Variants in POLI observed in about 807,000 individuals in gnomAD.
POLI encodes DNA polymerase iota, also known as RAD30 homolog B.
In POLI, 58 loss-of-function variants were observed where a neutral mutation model predicts 51.6. That is an observed-to-expected ratio of 1.12 (90% CI 0.91 to 1.40). The LOEUF (loss-of-function observed/expected upper bound fraction) is 1.40. Ranked by LOEUF, POLI falls within the 40% of genes most tolerant of loss-of-function variation. The pLI is 0.00. For synonymous variants in POLI, 322 were observed against 299.7 expected, an observed-to-expected ratio of 1.07 and a Z score of -0.77; for missense variants, 921 against 871.3, an observed-to-expected ratio of 1.06 and a Z score of -0.72.
chr18:54,299,223 T>A (rs1037656208), downstream of POLI, among the ~76,000 whole-genome samples: 2 of 152,196 alleles, frequency 1.3e-5, no homozygotes, highest in Admixed American at 6.5e-5. Flanking sequence ...TTGCCTAAGC[T>A]CAGGAGTTCG....
In POLI at chr18:54,292,001, CATT is replaced by C; in HGVS notation, c.1370_1372del (p.Leu457del). ...CTTATTGATTATTATTTAATGCCAT[CATT>C]ATCAACTACTTCACGCTCTGGCAAG... On this transcript the variant is annotated inframe_deletion, in exon 9 of 10. Transcript: ENST00000579534. 1 of 1,609,570 alleles carries C rather than the reference CATT, an allele frequency of 6.2e-7. No individual in the cohort carries two copies. The highest frequency in any genetic ancestry group is 8.5e-7 in the Non-Finnish European group (1 of 1,177,380).
At chr18:54,307,930 A>G (rs866680334) in intron 3 of POLI, among the ~76,000 whole-genome samples, 3 of 144,414 alleles carry the variant, frequency 2.1e-5, no homozygotes, top group African/African-American at 7.9e-5. Flanking sequence ...CTTACCATTT[A>G]CTTGGTAGAT....
intron 2 of POLI, among the ~76,000 whole-genome samples, chr18:54,273,027 T>C (rs1175992410): frequency 6.6e-6 from 1 of 152,156 alleles, no homozygotes; most frequent in Admixed American, 6.5e-5. Context: ...AACCTTTTTT[T>C]TCTACATGTT....
At chr18:54,288,562 T>C (rs2087853033) in intron 8 of POLI, among the ~76,000 whole-genome samples, 1 of 152,162 alleles carries the variant, frequency 6.6e-6, no homozygotes, top group South Asian at 2.1e-4. Flanking sequence ...TCTTGTTTCA[T>C]TGGTCTATAT....
At chr18:54,272,752 G>A (rs2087063045) in intron 2 of POLI, among the ~76,000 whole-genome samples, 1 of 151,564 alleles carries the variant, frequency 6.6e-6, no homozygotes, top group Non-Finnish European at 1.5e-5. Flanking sequence ...GACTACAGAC[G>A]TGAGCCACCG....
chr18:54,271,930 A>G (rs1341226733), intron 2 of POLI, among the ~76,000 whole-genome samples: 3 of 152,334 alleles, frequency 2.0e-5, no homozygotes, highest in South Asian at 2.1e-4. Flanking sequence ...AAACCTAAGT[A>G]TTATTAAGAC....
intron 3 of POLI, among the ~76,000 whole-genome samples, chr18:54,275,361 C>T (rs904810799): frequency 5.3e-5 from 8 of 151,906 alleles, no homozygotes; most frequent in Admixed American, 3.9e-4. Flanking sequence ...TACATAAAGA[C>T]ATATGTACAA....
At chr18:54,279,490 G>T (rs2087404037) in intron 4 of POLI, among the ~76,000 whole-genome samples, 1 of 152,026 alleles carries the variant, frequency 6.6e-6, no homozygotes, top group Non-Finnish European at 1.5e-5. Context: ...TGATCCGCTT[G>T]CCTTGGCCTC....
At position 54,293,731 on chromosome 18, in the gene POLI, G is replaced by A; in HGVS notation, c.1487G>A (p.Ser496Asn). 1 of 1,605,716 alleles carries A rather than the reference G, an allele frequency of 6.2e-7. No homozygotes were observed. Among genetic ancestry groups the A allele is most frequent in the South Asian group, 1.1e-5 (1 of 89,354 alleles). Residue 496 changes from serine to asparagine, a missense_variant, in exon 10 of 10, where the codon AGT becomes AAT. Ser to Asn is a conservative substitution (Grantham distance 46). Coordinates refer to ENST00000579534, the MANE Select transcript of POLI (RefSeq NM_007195.3). ...RDFLPSGRIESTRTRESPLDT... is the reference protein window; with the variant it reads ...RDFLPSGRIENTRTRESPLDT... ...TTCCTACCAAGTGGAAGAATTGAAAGTACAAGAACTAGGGAGTCTCCACTA... is the reference window on the plus strand; with the variant it reads ...TTCCTACCAAGTGGAAGAATTGAAAATACAAGAACTAGGGAGTCTCCACTA...
At chr18:54,287,178 C>A in intron 7 of POLI, 103 bp from the exon 8 acceptor site, 2 of 743,498 alleles carry the variant, frequency 2.7e-6, no homozygotes, top group South Asian at 1.9e-5. Context: ...GTATAATTGT[C>A]ATATTTAACA....
intron 3 of POLI, among the ~76,000 whole-genome samples, chr18:54,308,626 C>T (rs542202328): frequency 3.3e-4 from 50 of 152,258 alleles, no homozygotes; most frequent in African/African-American, 1.1e-3. Context: ...GAATGTTGGT[C>T]TGCCTTGCTA....
At chr18:54,281,231 C>T (rs924555361) in intron 5 of POLI, among the ~76,000 whole-genome samples, 2 of 152,080 alleles carry the variant, frequency 1.3e-5, no homozygotes. Context: ...TGTACATTGC[C>T]TCTAGAGAGG....
At position 54,293,502 on chromosome 18, in the gene POLI, C is replaced by A. The variant is rs1044365036; in HGVS notation, c.1405-147C>A. 4 of 561,008 alleles carry A rather than the reference C, an allele frequency of 7.1e-6. No homozygotes were observed. The African/African-American group carries it at 7.6e-5, about 11-fold the overall frequency. 34.8% of individuals were successfully genotyped at this position (561,008 alleles called of 1,614,324 possible). ...AGTGTGAATAATTGTGGTAGTAGAT[C>A]TCTAGTTGTTTGGAACTGGCCACAA... On this transcript the variant is annotated intron_variant, in intron 9 of 9. Coordinates refer to ENST00000579534, the MANE Select transcript of POLI (RefSeq NM_007195.3).
chr18:54,304,783 A>G (rs2144635100), intron 3 of POLI, among the ~76,000 whole-genome samples: 1 of 152,232 alleles, frequency 6.6e-6, no homozygotes. Context: ...CCATTTGTCA[A>G]TTTTGGCTTT....
At chr18:54,307,953 C>G (rs1248830967) in intron 3 of POLI, among the ~76,000 whole-genome samples, 2 of 151,904 alleles carry the variant, frequency 1.3e-5, no homozygotes, top group East Asian at 3.9e-4. Flanking sequence ...TCCTCCATCC[C>G]TTTATTTTGA....
intron 3 of POLI, among the ~76,000 whole-genome samples, chr18:54,312,937 C>A (rs2088687206): frequency 6.6e-6 from 1 of 152,136 alleles, no homozygotes. Context: ...TCTTGCTGTG[C>A]AGAAACTCTT....
rs2088417529 is a variant in POLI at position 54,298,028 on chromosome 18, T to G, written c.*3561T>G. 2.1e-6 allele frequency: 2 copies of G among 968,268 alleles called. No homozygotes were observed. Among genetic ancestry groups the G allele is most frequent in the African/African-American group, 1.8e-5 (1 of 56,898 alleles). The allele number at this position is 968,268 out of a possible 1,614,324, so 60.0% of individuals were successfully genotyped here. A position where few individuals can be genotyped will look rare whatever the true frequency, so the allele number is the denominator to read the frequency against. ...GGAGATACGCAGTTTTTATTATATG[T>G]CTAGCTATAGATTTATCATGGATTT... On this transcript the variant is annotated 3_prime_UTR_variant, in exon 10 of 10. Coordinates refer to ENST00000579534, the MANE Select transcript of POLI (RefSeq NM_007195.3).
intron 3 of POLI, among the ~76,000 whole-genome samples, chr18:54,303,541 T>A (rs1382701037): frequency 6.6e-6 from 1 of 152,198 alleles, no homozygotes; most frequent in Non-Finnish European, 1.5e-5. Context: ...ATGTGCTCTG[T>A]GATTTTGGAG....
intron 3 of POLI, among the ~76,000 whole-genome samples, chr18:54,305,533 A>G (rs2088568195): frequency 1.9e-5 from 2 of 105,200 alleles, no homozygotes; most frequent in African/African-American, 6.5e-5. Flanking sequence ...TGTGAATGGG[A>G]GTTCACTCAT....
Sources: gnomAD v4.1 joint callset for allele counts (sites outside exome capture counted in the v4.1 genomes callset) on GRCh38, gnomAD v4.1.1 for gene constraint, MANE v1.5 for transcripts, NCBI Gene and HGNC (gene_info 2026-07-23, HGNC 2026-07-21) for gene names.